Variants in LUZP4 observed in about 807,000 individuals in gnomAD.
The protein encoded by LUZP4 is HOM-TES-85 tumor antigen.
In LUZP4, 11 loss-of-function variants were observed where a neutral mutation model predicts 8.5. That is an observed-to-expected ratio of 1.30 (90% CI 0.82 to 2.14). LUZP4 has a LOEUF of 2.14. Ranked by LOEUF, LUZP4 falls within the 30% of genes most tolerant of loss-of-function variation. The probability of loss-of-function intolerance (pLI) is 0.00; values close to 1 mark genes in which losing one functional copy is unlikely to be tolerated. For missense variants in LUZP4, 276 were observed against 229.7 expected (o/e 1.20, Z -1.30); for synonymous variants, 104 against 79.4 (o/e 1.31, Z -1.65).
At chrX:115,289,977 T>C in intron 1 of LUZP4, 127 bp downstream of exon 1, 1 of 458,298 alleles carries the variant, frequency 2.2e-6, no homozygotes. Context: ...AGGCTTCCCC[T>C]TCAGGGCATC....
At chrX:115,293,769 G>A (rs1451763521) in intron 1 of LUZP4, among the ~76,000 whole-genome samples, 2 of 109,355 alleles carry the variant, frequency 1.8e-5, no homozygotes, top group African/African-American at 6.7e-5. Flanking sequence ...TGGCCAACAT[G>A]GTGAAATCCT....
At chrX:115,299,949 T>C (rs2073389033) in intron 1 of LUZP4, among the ~76,000 whole-genome samples, 1 of 112,040 alleles carries the variant, frequency 8.9e-6, no homozygotes, top group African/African-American at 3.2e-5. Flanking sequence ...AGGCAGTCGG[T>C]TCCCTTCTGG....
intron 1 of LUZP4, among the ~76,000 whole-genome samples, chrX:115,300,489 C>T (rs2073391745): frequency 8.9e-6 from 1 of 112,596 alleles, no homozygotes; most frequent in South Asian, 3.7e-4. Context: ...GTATGGCCTG[C>T]AGGCCACAGG....
intron 2 of LUZP4, among the ~76,000 whole-genome samples, chrX:115,302,813 A>G (rs1556602107): frequency 8.9e-6 from 1 of 112,503 alleles, no homozygotes; most frequent in South Asian, 3.6e-4. Flanking sequence ...AGAGCAGCCA[A>G]AAAGGGTAAC....
intron 1 of LUZP4, 91 bp downstream of exon 1, chrX:115,289,941 C>T (rs1225111665): frequency 1.0e-5 from 6 of 599,090 alleles, no homozygotes; most frequent in Non-Finnish European, 1.6e-5. Flanking sequence ...GAAGTGGCGT[C>T]GGGAGGAACA....
rs782109382 is a variant in LUZP4 at position 115,300,467 on chromosome X, G to A, written c.92-1525G>A. ...TTTGTGTTGGGCTGCATTCAAAACC[G>A]TCCTGGGCTGTGTATGGCCTGCAGG... On this transcript the variant is annotated intron_variant, in intron 1 of 3. Coordinates refer to ENST00000371920, the MANE Select transcript of LUZP4 (RefSeq NM_016383.5). Among the ~76,000 whole-genome samples the A allele has an allele frequency of 1.0e-3, 118 of 112,653 alleles. 1 individual carries two copies. The highest frequency in any genetic ancestry group is 3.6e-3 in the African/African-American group (112 of 31,066).
At chrX:115,297,630 T>C (rs1474907633) in intron 1 of LUZP4, among the ~76,000 whole-genome samples, 1 of 111,522 alleles carries the variant, frequency 9.0e-6, no homozygotes, top group Non-Finnish European at 1.9e-5. Context: ...GCCAGACATA[T>C]TAGAGCTCTT....
At chrX:115,292,971 T>C (rs1480445291) in intron 1 of LUZP4, among the ~76,000 whole-genome samples, 2 of 111,170 alleles carry the variant, frequency 1.8e-5, no homozygotes, top group Non-Finnish European at 3.8e-5. Flanking sequence ...CCCAACTTCA[T>C]CACAAGTTCT....
chrX:115,305,541 C>T (rs782104390), intron 3 of LUZP4, among the ~76,000 whole-genome samples: 2 of 111,818 alleles, frequency 1.8e-5, no homozygotes, highest in Admixed American at 9.5e-5. Flanking sequence ...TATCCACTTA[C>T]ATTTATGTAG....
At chrX:115,290,114 G>C (rs1603130641) in intron 1 of LUZP4, among the ~76,000 whole-genome samples, 1 of 111,021 alleles carries the variant, frequency 9.0e-6, no homozygotes, top group South Asian at 3.9e-4. Flanking sequence ...CCAGAAGCGC[G>C]TGGGGATTAA....
In LUZP4 at chrX:115,306,395, G is replaced by C; in HGVS notation, c.533G>C (p.Gly178Ala). 1 of 1,211,080 alleles carries C rather than the reference G, an allele frequency of 8.3e-7. No homozygotes were observed. The highest frequency in any genetic ancestry group is 1.1e-6 in the Non-Finnish European group (1 of 895,233). Residue 178 changes from glycine to alanine, a missense_variant, in exon 4 of 4, where the codon GGG becomes GCG. Gly to Ala is a moderately conservative substitution (Grantham distance 60). Coordinates refer to ENST00000371920, the MANE Select transcript of LUZP4 (RefSeq NM_016383.5). ...RSLSQSDRSQ[G>A]QLKRHHPQYE... ...CTTTCTCAGTCAGACAGATCTCAAG[G>C]GCAGCTAAAGAGACATCATCCCCAA...
intron 1 of LUZP4, 67 bp downstream of exon 1, chrX:115,289,917 C>T: frequency 2.5e-6 from 2 of 804,891 alleles, no homozygotes; most frequent in Admixed American, 2.5e-5. Context: ...AAGACCTCGG[C>T]ATAGCGCTTA....
At chrX:115,291,072 T>C (rs1036383283) in intron 1 of LUZP4, among the ~76,000 whole-genome samples, 2 of 111,034 alleles carry the variant, frequency 1.8e-5, no homozygotes, top group African/African-American at 6.6e-5. Context: ...GTCCTGGGAT[T>C]ACAGGCATAA....
intron 1 of LUZP4, among the ~76,000 whole-genome samples, chrX:115,291,348 C>T (rs2073348315): frequency 9.0e-6 from 1 of 111,660 alleles, no homozygotes; most frequent in Non-Finnish European, 1.9e-5. Context: ...ATCCTCCCGG[C>T]TCGGCCTCCC....
rs1200991124 is a variant in LUZP4 at position 115,306,158 on chromosome X, A to T, written c.343-47A>T. ...AGAATATATCATTATGACTTAAATC[A>T]TGAAGTATATGTTTCATTTGTTTTG... On this transcript the variant is annotated intron_variant, in intron 3 of 3. Transcript: ENST00000371920. 6 of 1,141,828 alleles carry T rather than the reference A, an allele frequency of 5.3e-6. No individual in the cohort carries two copies. In the African/African-American group the frequency reaches 9.2e-5, roughly 18 times the overall value. The allele number at this position is 1,141,828 out of a possible 1,213,427, so 94.1% of individuals were successfully genotyped here.
chrX:115,298,492 T>C (rs1249256732), intron 1 of LUZP4, among the ~76,000 whole-genome samples: 1 of 112,708 alleles, frequency 8.9e-6, no homozygotes. Context: ...TTGTTTGTTT[T>C]TTCTTTTGTC....
At chrX:115,289,967 A>C in intron 1 of LUZP4, 117 bp downstream of exon 1, 1 of 488,604 alleles carries the variant, frequency 2.0e-6, no homozygotes, top group Non-Finnish European at 3.5e-6. Flanking sequence ...GTTCGAGGAG[A>C]GGCTTCCCCT....
chrX:115,290,320 C>CG lies in LUZP4; in HGVS notation c.91+472dup, dbSNP rs1165051126. The stretch of plus-strand genomic sequence containing the variant: ...CCTTAGGCTATTTTACTAGGGATCC[C>CG]GGCGTGGTAGTGCTAGGAGTTGTTG... On this transcript the variant is annotated intron_variant, in intron 1 of 3. Coordinates refer to ENST00000371920, the MANE Select transcript of LUZP4 (RefSeq NM_016383.5). Among the ~76,000 whole-genome samples the CG allele has an allele frequency of 4.5e-5, 5 of 110,963 alleles. No homozygotes were observed. The East Asian group carries it at 1.4e-3, about 32-fold the overall frequency.
At chrX:115,293,963 T>A (rs1025546124) in intron 1 of LUZP4, among the ~76,000 whole-genome samples, 9 of 109,038 alleles carry the variant, frequency 8.3e-5, no homozygotes, top group African/African-American at 1.3e-4. Context: ...AAAAAAAAAA[T>A]AAAAAAAGAT....
Sources: allele counts gnomAD v4.1 joint callset (sites outside exome capture counted in the v4.1 genomes callset), GRCh38; gene constraint gnomAD v4.1.1; transcripts MANE v1.5; gene names NCBI Gene and HGNC (gene_info 2026-07-23, HGNC 2026-07-21).